The following TMEM123 variants were observed in gnomAD, a reference collection of about 807,000 sequenced individuals.
The protein encoded by TMEM123 is transmembrane protein 123.
A neutral mutation model predicts 19.7 loss-of-function variants in TMEM123; 16 were observed. The ratio of observed to expected loss-of-function variants is 0.81; its 90% CI spans 0.55 to 1.23. The LOEUF (loss-of-function observed/expected upper bound fraction) is 1.23, where lower values mean the gene tolerates loss of function less well. TMEM123 is among the 50% of genes most tolerant of loss of function. The probability of loss-of-function intolerance (pLI) is 0.00; values close to 1 mark genes in which losing one functional copy is unlikely to be tolerated. For synonymous variants in TMEM123, 118 were observed against 99.4 expected, an observed-to-expected ratio of 1.19 and a Z score of -1.12; for missense variants, 313 against 257.8, an observed-to-expected ratio of 1.21 and a Z score of -1.47.
intron 2 of TMEM123, among the ~76,000 whole-genome samples, chr11:102,414,090 G>A (rs1303686999): frequency 6.6e-6 from 1 of 152,118 alleles, no homozygotes; most frequent in Non-Finnish European, 1.5e-5. Flanking sequence ...ACCAATCTGA[G>A]GAAAGAGACT....
Position 102,398,204 on chromosome 11 carries a change from A to AAGTT in TMEM123, c.*659_*662dup, listed in dbSNP as rs143283032. On this transcript the variant is annotated 3_prime_UTR_variant, in exon 5 of 5. Transcript: ENST00000398136. The stretch of plus-strand genomic sequence containing the variant: ...TACATCAACATTGAAAGCTCAAAAG[A>AAGTT]AGTTAATAAAAATATGTGCTCCTTA... The AAGTT allele has an allele frequency of 3.8e-3, 653 of 169,968 alleles. No individual in the cohort carries two copies. The highest frequency in any genetic ancestry group is 5.9e-3 in the Non-Finnish European group (475 of 80,178). The allele number at this position is 169,968 out of a possible 1,614,324, so 10.5% of individuals were successfully genotyped here. A position where few individuals can be genotyped will look rare whatever the true frequency, so the allele number is the denominator to read the frequency against.
At chr11:102,420,579 C>A (rs946941613) in intron 2 of TMEM123, among the ~76,000 whole-genome samples, 5 of 152,182 alleles carry the variant, frequency 3.3e-5, no homozygotes, top group Admixed American at 2.0e-4. Context: ...CCTAGGGTCA[C>A]AAACTAGTAA....
chr11:102,447,879 G>A (rs1024717873), intron 2 of TMEM123, among the ~76,000 whole-genome samples: 1 of 152,176 alleles, frequency 6.6e-6, no homozygotes, highest in Non-Finnish European at 1.5e-5. Context: ...GAAACACTGG[G>A]ATGCCCCACA....
chr11:102,440,447 A>G (rs1453967713), intron 2 of TMEM123, among the ~76,000 whole-genome samples: 1 of 152,218 alleles, frequency 6.6e-6, no homozygotes, highest in African/African-American at 2.4e-5. Flanking sequence ...ATCCAGCCAA[A>G]CTAAGTTTCA....
At chr11:102,412,581 A>T (rs1246111332) in intron 2 of TMEM123, among the ~76,000 whole-genome samples, 1 of 152,234 alleles carries the variant, frequency 6.6e-6, no homozygotes, top group Non-Finnish European at 1.5e-5. Flanking sequence ...TTTACAATAC[A>T]ACTACTGGCC....
chr11:102,421,540 C>G (rs999635152), intron 2 of TMEM123, among the ~76,000 whole-genome samples: 1 of 151,780 alleles, frequency 6.6e-6, no homozygotes, highest in Non-Finnish European at 1.5e-5. Flanking sequence ...ACTGTCTGCT[C>G]GAATGTCAGC....
intron 2 of TMEM123, among the ~76,000 whole-genome samples, chr11:102,443,056 C>G (rs1230971777): frequency 1.3e-5 from 2 of 152,152 alleles, no homozygotes; most frequent in Admixed American, 6.5e-5. Flanking sequence ...AGGACACAAA[C>G]AAATGGAAGA....
chr11:102,441,120 C>T (rs916175684), intron 2 of TMEM123, among the ~76,000 whole-genome samples: 3 of 152,170 alleles, frequency 2.0e-5, no homozygotes, highest in African/African-American at 4.8e-5. Flanking sequence ...CCACTGTCAA[C>T]ATTAGACAGA....
Position 102,398,801 on chromosome 11 carries a change from T to A in TMEM123, c.*66A>T. The A allele has an allele frequency of 6.5e-7, 1 of 1,544,282 alleles. No homozygotes were observed. Among genetic ancestry groups the A allele is most frequent in the Admixed American group, 1.8e-5 (1 of 54,924 alleles). The stretch of plus-strand genomic sequence containing the variant: ...AAAAGAGAATATTGTTTTAAACTAT[T>A]AATAAACCAAAATTAATTGATAGGG... On this transcript the variant is annotated 3_prime_UTR_variant, in exon 5 of 5. Coordinates refer to ENST00000398136, the MANE Select transcript of TMEM123 (RefSeq NM_052932.3).
chr11:102,400,683 C>T (rs980750537), intron 4 of TMEM123, among the ~76,000 whole-genome samples: 2 of 152,166 alleles, frequency 1.3e-5, no homozygotes, highest in African/African-American at 2.4e-5. Context: ...GTGGAACCCT[C>T]GTGAACAGAA....
intron 2 of TMEM123, among the ~76,000 whole-genome samples, chr11:102,412,541 G>T (rs527886295): frequency 1.3e-5 from 2 of 152,092 alleles, no homozygotes; most frequent in Admixed American, 1.3e-4. Context: ...ATGCTAAAAA[G>T]TATTGAAAGT....
intron 2 of TMEM123, among the ~76,000 whole-genome samples, chr11:102,445,803 T>A (rs1458694942): frequency 6.6e-6 from 1 of 152,176 alleles, no homozygotes; most frequent in Non-Finnish European, 1.5e-5. Flanking sequence ...TAATAAAACA[T>A]TTTTAAAATA....
Position 102,452,666 on chromosome 11 carries a change from G to C in TMEM123, c.-43C>G. 1.4e-6 allele frequency: 2 copies of C among 1,393,160 alleles called. No individual in the cohort carries two copies. The highest frequency in any genetic ancestry group is 2.9e-5 in the East Asian group (1 of 34,230). The allele number at this position is 1,393,160 out of a possible 1,614,324, so 86.3% of individuals were successfully genotyped here. A position where few individuals can be genotyped will look rare whatever the true frequency, so the allele number is the denominator to read the frequency against. On this transcript the variant is annotated 5_prime_UTR_variant, in exon 1 of 5. Coordinates refer to ENST00000398136, the MANE Select transcript of TMEM123 (RefSeq NM_052932.3). ...GCGGCAGCCTCGTGGGCTCCCAGCC[G>C]AGGTGGCGGCGGCGAGAGCGGCTCC...
chr11:102,445,063 C>T (rs1412235694), intron 2 of TMEM123, among the ~76,000 whole-genome samples: 1 of 152,016 alleles, frequency 6.6e-6, no homozygotes, highest in African/African-American at 2.4e-5. Flanking sequence ...GAGATAATAC[C>T]TAATGTAAAT....
At position 102,401,173 on chromosome 11, in the gene TMEM123, T is replaced by C. The variant is rs145161102; in HGVS notation, c.602+366A>G. Among the ~76,000 whole-genome samples the C allele has an allele frequency of 9.7e-4, 147 of 152,326 alleles. 4 individuals are homozygous for C. The East Asian group carries it at 0.027, about 28-fold the overall frequency. ...AAAGCCATGGTTTTACCAAGGATGC[T>C]ATTTAGTACCACAACAGACACAGAC... On this transcript the variant is annotated intron_variant, in intron 4 of 4. Coordinates refer to ENST00000398136, the MANE Select transcript of TMEM123 (RefSeq NM_052932.3).
chr11:102,407,402 C>G (rs1475892970), intron 2 of TMEM123, among the ~76,000 whole-genome samples: 1 of 152,170 alleles, frequency 6.6e-6, no homozygotes, highest in African/African-American at 2.4e-5. Flanking sequence ...AGGGTAGAGC[C>G]ACCAGGGGAA....
chr11:102,400,248 A>G (rs1951900731), intron 4 of TMEM123, among the ~76,000 whole-genome samples: 1 of 152,224 alleles, frequency 6.6e-6, no homozygotes, highest in South Asian at 2.1e-4. Context: ...CAAGAGATAG[A>G]CAGTGTTAGC....
At chr11:102,421,298 C>T (rs79661441) in intron 2 of TMEM123, among the ~76,000 whole-genome samples, 10 of 152,122 alleles carry the variant, frequency 6.6e-5, no homozygotes, top group African/African-American at 2.2e-4. Context: ...ATTGTCACAG[C>T]GGGACTAAAA....
intron 2 of TMEM123, among the ~76,000 whole-genome samples, chr11:102,409,800 G>A (rs1339353984): frequency 6.6e-6 from 1 of 152,028 alleles, no homozygotes; most frequent in Non-Finnish European, 1.5e-5. Context: ...GGGAGGCAGA[G>A]GTTGCAGTGA....
Sources: gnomAD v4.1 joint callset for allele counts (sites outside exome capture counted in the v4.1 genomes callset) on GRCh38, gnomAD v4.1.1 for gene constraint, MANE v1.5 for transcripts, NCBI Gene and HGNC (gene_info 2026-07-23, HGNC 2026-07-21) for gene names.